The following ARHGAP40 variants were observed in gnomAD, a reference collection of about 807,000 sequenced individuals.
The protein encoded by ARHGAP40 is rho GTPase-activating protein 40.
Under a neutral mutation model 73.5 loss-of-function variants are expected in ARHGAP40, and 43 were observed. The ratio of observed to expected loss-of-function variants is 0.58; its 90% confidence interval spans 0.46 to 0.75. The LOEUF is 0.75. Ranked by LOEUF, ARHGAP40 falls within the 30% of genes least tolerant of loss-of-function variation. ARHGAP40 has a pLI of 0.00. For missense variants in ARHGAP40, 734 were observed against 861.8 expected (o/e 0.85, Z 1.86); for synonymous variants, 300 against 352.8 (o/e 0.85, Z 1.68).
chr20:38,623,214 T>G, intron 1 of ARHGAP40, 145 bp from the exon 2 acceptor site: 3 of 523,450 alleles, frequency 5.7e-6, no homozygotes, highest in Non-Finnish European at 9.0e-6. Context: ...GTCAATTTGC[T>G]GAGATCACCC....
rs1464200623 is a variant in ARHGAP40 at position 38,601,885 on chromosome 20, C to G, written c.-58C>G. 2.3e-6 allele frequency: 3 copies of G among 1,284,970 alleles called. No individual in the cohort carries two copies. The highest frequency in any genetic ancestry group is 3.0e-6 in the Non-Finnish European group (3 of 987,444). The allele number at this position is 1,284,970 out of a possible 1,614,324, so 79.6% of individuals were successfully genotyped here. On this transcript the variant is annotated 5_prime_UTR_variant, in exon 1 of 15. It adds an upstream start codon to the 5' untranslated region. Transcript: ENST00000373345. ...CACTCCTCCCTCTCACATTGCCGAT[C>G]GAGTCAGCCCCACGGCGGCAGCACC...
At chr20:38,616,687 TAAG>T (rs1388649584) in intron 1 of ARHGAP40, among the ~76,000 whole-genome samples, 7 of 152,174 alleles carry the variant, frequency 4.6e-5, no homozygotes, top group Non-Finnish European at 1.0e-4. Flanking sequence ...AATGGGATGA[TAAG>T]AAGTTGTGAA....
intron 1 of ARHGAP40, among the ~76,000 whole-genome samples, chr20:38,618,746 C>T (rs1167067546): frequency 6.6e-6 from 1 of 152,120 alleles, no homozygotes; most frequent in Non-Finnish European, 1.5e-5. Flanking sequence ...CTCAACATAG[C>T]AACCCCTTCC....
intron 6 of ARHGAP40, among the ~76,000 whole-genome samples, chr20:38,637,496 T>A (rs1383937485): frequency 2.6e-5 from 4 of 152,078 alleles, no homozygotes; most frequent in Admixed American, 2.0e-4. Flanking sequence ...CTGAGACATA[T>A]CTCCTCAGCA....
At chr20:38,645,391 G>T (rs1969109607) in intron 11 of ARHGAP40, among the ~76,000 whole-genome samples, 1 of 152,154 alleles carries the variant, frequency 6.6e-6, no homozygotes, top group South Asian at 2.1e-4. Context: ...ATTCTTGAAT[G>T]TTTTCTTGTT....
intron 1 of ARHGAP40, among the ~76,000 whole-genome samples, chr20:38,609,757 A>C (rs1257159501): frequency 6.6e-6 from 1 of 152,224 alleles, no homozygotes; most frequent in Non-Finnish European, 1.5e-5. Context: ...CCAGGGCAAG[A>C]GGGAGCCTGG....
intron 5 of ARHGAP40, among the ~76,000 whole-genome samples, chr20:38,630,324 A>G (rs2088931201): frequency 6.6e-6 from 1 of 151,280 alleles, no homozygotes; most frequent in Non-Finnish European, 1.5e-5. Context: ...GGCTCAAGCT[A>G]TCCTTACACC....
intron 1 of ARHGAP40, among the ~76,000 whole-genome samples, chr20:38,604,233 A>G (rs183268953): frequency 1.3e-5 from 2 of 152,326 alleles, no homozygotes; most frequent in African/African-American, 4.8e-5. Context: ...GAGGCAATTA[A>G]TATTGAATTC....
At chr20:38,608,450 G>C (rs1490442088) in intron 1 of ARHGAP40, among the ~76,000 whole-genome samples, 1 of 152,128 alleles carries the variant, frequency 6.6e-6, no homozygotes, top group East Asian at 1.9e-4. Context: ...CTGGCTGCTC[G>C]TTGGTCGGAA....
At chr20:38,636,037 C>T (rs1017186487) in intron 6 of ARHGAP40, among the ~76,000 whole-genome samples, 7 of 152,002 alleles carry the variant, frequency 4.6e-5, no homozygotes, top group Admixed American at 2.6e-4. Context: ...CAAACTGTAC[C>T]GCATTTTAAG....
intron 14 of ARHGAP40, 142 bp downstream of exon 14, chr20:38,648,840 C>G: frequency 1.8e-6 from 1 of 550,478 alleles, no homozygotes; most frequent in Non-Finnish European, 3.0e-6. Context: ...TTCAATGAAA[C>G]CAGGTGGAGT....
intron 1 of ARHGAP40, among the ~76,000 whole-genome samples, chr20:38,603,470 A>G (rs886701356): frequency 4.5e-5 from 6 of 133,032 alleles, no homozygotes; most frequent in African/African-American, 1.0e-4. Context: ...TCTATTCTAT[A>G]TCTAATCTAT....
rs116022941 is a variant in ARHGAP40, at chr20:38,601,948, C to T, written c.6C>T (p.Ala2=). The change falls in exon 1 of 15, where the codon GCC becomes GCT. Residue 2 remains alanine (A), a synonymous_variant. Transcript: ENST00000373345. ...GATCCTCGAGGTGCCAGCCCATGGC[C>T]GAGCCTGCCCTCCTCCCCGCCGCCC... 4,405 of 1,287,896 alleles carry T rather than the reference C, an allele frequency of 3.4e-3. 128 individuals carry two copies. In the African/African-American group the frequency reaches 0.058, roughly 17 times the overall value. The allele number at this position is 1,287,896 out of a possible 1,614,324, so 79.8% of individuals were successfully genotyped here.
At chr20:38,630,121 T>C (rs1384444894) in intron 5 of ARHGAP40, among the ~76,000 whole-genome samples, 1 of 146,020 alleles carries the variant, frequency 6.8e-6, no homozygotes, top group Non-Finnish European at 1.5e-5. Context: ...TTCTTTCTCT[T>C]TCTTTCCTTT....
chr20:38,623,536 G>A, exon 2 of ARHGAP40: 1 of 1,290,042 alleles, frequency 7.8e-7, no homozygotes, highest in Non-Finnish European at 1.0e-6. Flanking sequence ...ACAGTGGCGG[G>A]AATGAAGGCC....
intron 6 of ARHGAP40, among the ~76,000 whole-genome samples, chr20:38,636,229 TA>T (rs1211344884): frequency 6.6e-6 from 1 of 152,124 alleles, no homozygotes. Flanking sequence ...CCACAACTAT[TA>T]AATATTCCTT....
At chr20:38,649,353 C>A (rs2089073239) in intron 14 of ARHGAP40, among the ~76,000 whole-genome samples, 1 of 152,148 alleles carries the variant, frequency 6.6e-6, no homozygotes, top group African/African-American at 2.4e-5. Context: ...TGAGGGGGTG[C>A]CCCTCAGGAA....
At chr20:38,632,620 A>G (rs1043884409) in intron 5 of ARHGAP40, among the ~76,000 whole-genome samples, 1 of 152,068 alleles carries the variant, frequency 6.6e-6, no homozygotes, top group African/African-American at 2.4e-5. Context: ...AATATTCAAC[A>G]TTATCTTGTC....
chr20:38,633,209 G>A (rs569141959), intron 5 of ARHGAP40, among the ~76,000 whole-genome samples: 5 of 152,102 alleles, frequency 3.3e-5, no homozygotes, highest in South Asian at 4.2e-4. Flanking sequence ...CACTTGAGCC[G>A]AGTTCAAGGT....
Sources: gnomAD v4.1 joint callset for allele counts (sites outside exome capture counted in the v4.1 genomes callset) on GRCh38, gnomAD v4.1.1 for gene constraint, MANE v1.5 for transcripts, NCBI Gene and HGNC (gene_info 2026-07-23, HGNC 2026-07-21) for gene names.